PHF24: variants seen among roughly 807,000 people sequenced by gnomAD.
The protein encoded by PHF24 is Galpha inhibitory interacting protein.
A neutral mutation model predicts 42.6 loss-of-function variants in PHF24; 25 were observed. That is an observed-to-expected ratio of 0.59 (90% confidence interval 0.43 to 0.82). The LOEUF is 0.82. PHF24 is among the 40% of genes least tolerant of loss of function. PHF24 has a pLI of 0.00. For missense variants in PHF24, 470 were observed against 538.1 expected, an observed-to-expected ratio of 0.87 and a Z score of 1.25; for synonymous variants, 185 against 204.8, an observed-to-expected ratio of 0.90 and a Z score of 0.83.
chr9:34,943,792 C>G, the PHF24 span, among the ~76,000 whole-genome samples: 465 of 152,334 alleles, frequency 3.1e-3, 2 homozygotes, highest in African/African-American at 0.011. Flanking sequence ...AAGGTTGTTA[C>G]AATTATTATA....
the PHF24 span, among the ~76,000 whole-genome samples, chr9:34,887,328 C>T: frequency 1.3e-5 from 2 of 152,144 alleles, no homozygotes; most frequent in Non-Finnish European, 1.5e-5. Flanking sequence ...TCCTTTAAGA[C>T]ATAAGTCAGA....
chr9:34,698,101 T>C, the PHF24 span, among the ~76,000 whole-genome samples: 237 of 152,226 alleles, frequency 1.6e-3, 1 homozygote, highest in African/African-American at 5.6e-3. Flanking sequence ...ACTCGACCCA[T>C]ACAAGTGGAA....
the PHF24 span, among the ~76,000 whole-genome samples, chr9:34,712,894 T>G: frequency 6.6e-6 from 1 of 152,218 alleles, no homozygotes; most frequent in Non-Finnish European, 1.5e-5. Flanking sequence ...AGTTAAAGTC[T>G]TCATCTACTA....
chr9:34,749,130 T>C, the PHF24 span, among the ~76,000 whole-genome samples: 14 of 151,742 alleles, frequency 9.2e-5, no homozygotes, highest in East Asian at 2.7e-3. Context: ...TTAGTGAGCT[T>C]AAAAACAGGC....
chr9:34,791,557 A>C, the PHF24 span, among the ~76,000 whole-genome samples: 5 of 149,220 alleles, frequency 3.4e-5, no homozygotes, highest in African/African-American at 1.2e-4. Context: ...AATAGATCAG[A>C]TCTTGTAGGG....
chr9:34,692,758 T>C, the PHF24 span, among the ~76,000 whole-genome samples: 16 of 151,654 alleles, frequency 1.1e-4, no homozygotes, highest in African/African-American at 3.9e-4. Context: ...CACAATAAGC[T>C]CTGTTAGCCA....
the PHF24 span, among the ~76,000 whole-genome samples, chr9:34,920,618 T>C: frequency 6.6e-6 from 1 of 152,218 alleles, no homozygotes; most frequent in Admixed American, 6.5e-5. Context: ...CAATATTGAT[T>C]TTTCCAATCT....
At chr9:34,774,090 A>G in the PHF24 span, among the ~76,000 whole-genome samples, 8 of 152,210 alleles carry the variant, frequency 5.3e-5, no homozygotes, top group African/African-American at 1.9e-4. Context: ...CATACACAGA[A>G]ATTAACTCAA....
At chr9:34,759,230 A>T in the PHF24 span, among the ~76,000 whole-genome samples, 1 of 152,114 alleles carries the variant, frequency 6.6e-6, no homozygotes, top group East Asian at 1.9e-4. Flanking sequence ...AGCTCTGCCC[A>T]GTTATGTTCA....
At chr9:34,928,294 A>G in the PHF24 span, among the ~76,000 whole-genome samples, 2 of 152,204 alleles carry the variant, frequency 1.3e-5, no homozygotes, top group Non-Finnish European at 2.9e-5. Flanking sequence ...ACATTTAAAA[A>G]TAACTAAAAG....
At chr9:34,899,621 T>G in the PHF24 span, among the ~76,000 whole-genome samples, 1 of 152,214 alleles carries the variant, frequency 6.6e-6, no homozygotes, top group Non-Finnish European at 1.5e-5. Context: ...AGCTAGAATT[T>G]CCAGGGAGTT....
At chr9:34,905,147 CA>C in the PHF24 span, among the ~76,000 whole-genome samples, 1 of 152,170 alleles carries the variant, frequency 6.6e-6, no homozygotes, top group Non-Finnish European at 1.5e-5. Flanking sequence ...AGAACCTTGA[CA>C]AAATGGAGCC....
the PHF24 span, among the ~76,000 whole-genome samples, chr9:34,824,663 G>A: frequency 6.6e-6 from 1 of 152,180 alleles, no homozygotes; most frequent in Admixed American, 6.6e-5. Flanking sequence ...TTGTGTTGGA[G>A]GCTGATTTTA....
At chr9:34,748,712 A>C in the PHF24 span, among the ~76,000 whole-genome samples, 1 of 152,196 alleles carries the variant, frequency 6.6e-6, no homozygotes, top group South Asian at 2.1e-4. Context: ...GAATAATTAG[A>C]AAGTCTTCCC....
chr9:34,711,329 C>T, the PHF24 span, among the ~76,000 whole-genome samples: 23 of 151,724 alleles, frequency 1.5e-4, no homozygotes, highest in African/African-American at 5.6e-4. Flanking sequence ...TCACAGCAGC[C>T]TCGACCTCCT....
the PHF24 span, among the ~76,000 whole-genome samples, chr9:34,913,315 A>T: frequency 7.2e-5 from 11 of 152,344 alleles, no homozygotes; most frequent in African/African-American, 2.6e-4. Context: ...TAGTAAAGTT[A>T]TAAATTTACA....
chr9:34,678,526 G>A, the PHF24 span, among the ~76,000 whole-genome samples: 7 of 151,998 alleles, frequency 4.6e-5, no homozygotes, highest in Non-Finnish European at 8.8e-5. Context: ...GTAGAGACAG[G>A]GTTTCACCAT....
the PHF24 span, among the ~76,000 whole-genome samples, chr9:34,908,054 G>T: frequency 6.6e-6 from 1 of 152,076 alleles, no homozygotes; most frequent in Non-Finnish European, 1.5e-5. Context: ...TGTTGGTCAG[G>T]CTGGTCTCGA....
At chr9:34,889,468 G>C in the PHF24 span, 2 of 398,506 alleles carry the variant, frequency 5.0e-6, no homozygotes, top group Admixed American at 8.8e-5. Context: ...CCCCACACAT[G>C]ATCTTTGGTG....
Sources: allele counts gnomAD v4.1 joint callset (sites outside exome capture counted in the v4.1 genomes callset), GRCh38; gene constraint gnomAD v4.1.1; transcripts MANE v1.5; gene names NCBI Gene and HGNC (gene_info 2026-07-23, HGNC 2026-07-21).